MITF: variants seen among roughly 807,000 people sequenced by gnomAD.
MITF encodes the protein microphthalmia-associated transcription factor.
In MITF, 17 loss-of-function variants were observed where a neutral mutation model predicts 60.5. The observed-to-expected ratio is 0.28, with a 90% CI of 0.19 to 0.42. The LOEUF is 0.42. Ranked by LOEUF, MITF falls within the 10% of genes least tolerant of loss-of-function variation. The pLI, the probability that MITF is intolerant of heterozygous loss-of-function variation, is 1.00. For missense variants in MITF, 622 were observed against 683.5 expected, an observed-to-expected ratio of 0.91 and a Z score of 1.00; for synonymous variants, 260 against 248.5, an observed-to-expected ratio of 1.05 and a Z score of -0.43.
intron 2 of MITF, among the ~76,000 whole-genome samples, chr3:69,907,138 C>G (rs1019290766): frequency 1.3e-5 from 2 of 152,050 alleles, no homozygotes; most frequent in African/African-American, 4.8e-5. Flanking sequence ...ATCTTGTGTT[C>G]CTAATCGCTA....
chr3:69,857,052 G>C (rs1188219344), intron 1 of MITF, among the ~76,000 whole-genome samples: 1 of 151,954 alleles, frequency 6.6e-6, no homozygotes, highest in Non-Finnish European at 1.5e-5. Flanking sequence ...AATAGTTATT[G>C]AGTGCCTTCT....
Position 69,959,265 on chromosome 3 carries a change from C to A in MITF, c.1032-8C>A, listed in dbSNP as rs200156304. 2 of 1,613,924 alleles carry A rather than the reference C, an allele frequency of 1.2e-6. No homozygotes were observed. The highest frequency in any genetic ancestry group is 1.7e-6 in the Non-Finnish European group (2 of 1,179,932). On this transcript the variant is annotated splice_region_variant and splice_polypyrimidine_tract_variant and intron_variant, in intron 8 of 9. Coordinates refer to ENST00000352241, the MANE Select transcript of MITF (RefSeq NM_001354604.2). The stretch of plus-strand genomic sequence containing the variant: ...AAAAATATCTGTTTTCCTCCATTTT[C>A]ATCGCAGAGACATGCGCTGGAACAA...
chr3:69,797,068 TA>T, intron 1 of MITF, among the ~76,000 whole-genome samples: 1 of 152,320 alleles, frequency 6.6e-6, no homozygotes, highest in South Asian at 2.1e-4. Flanking sequence ...GTTTATAAAT[TA>T]TTTTTAATGG....
intron 2 of MITF, among the ~76,000 whole-genome samples, chr3:69,920,282 C>G (rs1053968602): frequency 5.3e-5 from 8 of 152,162 alleles, no homozygotes; most frequent in Non-Finnish European, 8.8e-5. Context: ...AGGAACAACA[C>G]CCACTACTTA....
intron 1 of MITF, among the ~76,000 whole-genome samples, chr3:69,812,422 A>T (rs1481898049): frequency 6.6e-6 from 1 of 152,214 alleles, no homozygotes; most frequent in Non-Finnish European, 1.5e-5. Flanking sequence ...TTGCTTTCAG[A>T]GACAGAGCTA....
At chr3:69,919,757 T>C (rs1227447037) in intron 2 of MITF, among the ~76,000 whole-genome samples, 1 of 152,048 alleles carries the variant, frequency 6.6e-6, no homozygotes, top group Non-Finnish European at 1.5e-5. Context: ...AAAAAATAGA[T>C]TGGAAAGAAA....
At chr3:69,888,798 T>C (rs945485453) in intron 2 of MITF, among the ~76,000 whole-genome samples, 10 of 152,068 alleles carry the variant, frequency 6.6e-5, no homozygotes, top group African/African-American at 2.4e-4. Flanking sequence ...GGCCCCCCTA[T>C]TAACTTTGTT....
At chr3:69,813,268 A>G (rs1450309647) in intron 1 of MITF, among the ~76,000 whole-genome samples, 1 of 152,206 alleles carries the variant, frequency 6.6e-6, no homozygotes, top group African/African-American at 2.4e-5. Flanking sequence ...GAAAGATTGG[A>G]TCTGTCAGTA....
intron 2 of MITF, 106 bp downstream of exon 2, chr3:69,879,489 A>G: frequency 1.9e-6 from 3 of 1,555,508 alleles, no homozygotes; most frequent in Non-Finnish European, 2.6e-6. Flanking sequence ...GACCCTTCAG[A>G]ATTATATTTG....
chr3:69,930,071 GCA>G (rs2065684011), intron 2 of MITF, among the ~76,000 whole-genome samples: 1 of 152,106 alleles, frequency 6.6e-6, no homozygotes. Context: ...CTGTGAAAAT[GCA>G]GAAGACCGTG....
At chr3:69,879,471 G>C in intron 2 of MITF, 88 bp downstream of exon 2, 1 of 1,586,844 alleles carries the variant, frequency 6.3e-7, no homozygotes, top group Admixed American at 1.8e-5. Flanking sequence ...TATGTATTTT[G>C]TTAGACTGAC....
chr3:69,740,254 T>C (rs73838664), intron 1 of MITF, among the ~76,000 whole-genome samples: 51 of 152,008 alleles, frequency 3.4e-4, no homozygotes, highest in African/African-American at 1.2e-3. Context: ...GAGGTTTCTC[T>C]GGGCTCCGCC....
intron 3 of MITF, chr3:69,938,450 T>A (rs1392121844): frequency 1.3e-6 from 2 of 1,497,830 alleles, no homozygotes; most frequent in African/African-American, 2.8e-5. Context: ...GAAGTTCCGC[T>A]TGTTGTGAAT....
chr3:69,930,115 T>C (rs981956220), intron 2 of MITF, among the ~76,000 whole-genome samples: 1 of 152,128 alleles, frequency 6.6e-6, no homozygotes, highest in African/African-American at 2.4e-5. Flanking sequence ...TGGATGAACA[T>C]GCTGAGCTTG....
rs2064878473 is a variant in MITF, at chr3:69,896,477, G to A, written c.354+17094G>A. On this transcript the variant is annotated intron_variant, in intron 2 of 9. Transcript: ENST00000352241. ...GGTCTACCTTTTGAGAGAGGAAGCA[G>A]GAGCCCCAGTGTTTAAGGCTGTCTG... 2.0e-5 allele frequency among the ~76,000 whole-genome samples: 3 copies of A among 152,318 alleles called. No individual in the cohort carries two copies. The South Asian group carries it at 6.2e-4, about 32-fold the overall frequency.
intron 1 of MITF, among the ~76,000 whole-genome samples, chr3:69,815,382 G>A (rs959128633): frequency 1.3e-5 from 2 of 152,026 alleles, no homozygotes; most frequent in African/African-American, 2.4e-5. Flanking sequence ...CTGCCACTTC[G>A]GAGTCTGCAA....
intron 1 of MITF, among the ~76,000 whole-genome samples, chr3:69,821,326 C>G (rs1201553139): frequency 6.6e-6 from 1 of 152,112 alleles, no homozygotes; most frequent in Non-Finnish European, 1.5e-5. Context: ...CTGGAATTTT[C>G]TCAGCTTTTA....
intron 2 of MITF, among the ~76,000 whole-genome samples, chr3:69,892,112 T>C (rs1343142612): frequency 6.6e-6 from 1 of 152,202 alleles, no homozygotes; most frequent in Non-Finnish European, 1.5e-5. Flanking sequence ...ATGTAGATGC[T>C]GCTATGATAA....
At chr3:69,956,414 G>A (rs772847998) in intron 7 of MITF, 41 bp from the exon 8 acceptor site, 5 of 1,478,906 alleles carry the variant, frequency 3.4e-6, no homozygotes, top group East Asian at 4.5e-5. Flanking sequence ...TGCATACATG[G>A]CACTGTTACT....
Sources: gnomAD v4.1 joint callset for allele counts (sites outside exome capture counted in the v4.1 genomes callset) on GRCh38, gnomAD v4.1.1 for gene constraint, MANE v1.5 for transcripts, NCBI Gene and HGNC (gene_info 2026-07-23, HGNC 2026-07-21) for gene names.